The following KDM5B variants were observed in gnomAD, a reference collection of about 807,000 sequenced individuals.
The protein encoded by KDM5B is lysine demethylase 5B.
In KDM5B, 144 loss-of-function variants were observed where a neutral mutation model predicts 193.4. The ratio of observed to expected loss-of-function variants is 0.74; its 90% CI spans 0.65 to 0.86. The LOEUF is 0.86. KDM5B is among the 40% of genes least tolerant of loss of function. The pLI, the probability that KDM5B is intolerant of heterozygous loss-of-function variation, is 0.00. For synonymous variants in KDM5B, 668 were observed against 682.6 expected, an observed-to-expected ratio of 0.98 and a Z score of 0.33; for missense variants, 1,833 against 1,886.9, an observed-to-expected ratio of 0.97 and a Z score of 0.53.
chr1:202,774,913 G>A (rs558234402), intron 2 of KDM5B, among the ~76,000 whole-genome samples, 178 bp from the exon 3 acceptor site: 2 of 152,068 alleles, frequency 1.3e-5, no homozygotes, highest in East Asian at 3.9e-4. Flanking sequence ...AGTGAGAAAC[G>A]GCCAAAAATA....
At chr1:202,790,868 A>C (rs563505432) in intron 1 of KDM5B, among the ~76,000 whole-genome samples, 1 of 152,210 alleles carries the variant, frequency 6.6e-6, no homozygotes, top group South Asian at 2.1e-4. Flanking sequence ...CAAACCTGAC[A>C]GTGCCTTGAT....
chr1:202,745,500 T>G (rs528799186), intron 16 of KDM5B, among the ~76,000 whole-genome samples: 1 of 152,250 alleles, frequency 6.6e-6, no homozygotes, highest in Admixed American at 6.5e-5. Context: ...ATGCTGCCTT[T>G]GTCACAAGAT....
intron 2 of KDM5B, 38 bp downstream of exon 2, chr1:202,776,979 T>C: frequency 7.6e-7 from 1 of 1,314,156 alleles, no homozygotes; most frequent in East Asian, 2.3e-5. Context: ...ACGGTCCCCC[T>C]GGAATACAGG....
At chr1:202,760,986 C>G (rs1201989772) in intron 7 of KDM5B, among the ~76,000 whole-genome samples, 1 of 151,566 alleles carries the variant, frequency 6.6e-6, no homozygotes, top group Non-Finnish European at 1.5e-5. Flanking sequence ...CCTTATTGCA[C>G]CACTGCGCTC....
At chr1:202,768,412 T>G (rs1656564434) in intron 4 of KDM5B, among the ~76,000 whole-genome samples, 1 of 152,138 alleles carries the variant, frequency 6.6e-6, no homozygotes, top group South Asian at 2.1e-4. Flanking sequence ...AATAACAACC[T>G]TCCTGAAGCA....
chr1:202,749,710 T>C (rs1421953375), intron 13 of KDM5B, among the ~76,000 whole-genome samples: 3 of 151,842 alleles, frequency 2.0e-5, no homozygotes, highest in Non-Finnish European at 2.9e-5. Flanking sequence ...AATGTATGAG[T>C]ATCTACAACA....
intron 1 of KDM5B, among the ~76,000 whole-genome samples, chr1:202,794,763 A>G (rs529156768): frequency 6.6e-6 from 1 of 152,344 alleles, no homozygotes; most frequent in South Asian, 2.1e-4. Context: ...ATACATTCCA[A>G]GACCCCCAGT....
intron 22 of KDM5B, among the ~76,000 whole-genome samples, chr1:202,734,845 G>T (rs1655036194): frequency 6.6e-6 from 1 of 152,226 alleles, no homozygotes; most frequent in South Asian, 2.1e-4. Context: ...ATTCAATCTA[G>T]TCCCAGTAGC....
rs1654670892 is a variant in KDM5B, at chr1:202,726,277, T to G, written c.*2759A>C. ...CCATCACCACAAGTGGCATCTCTCC[T>G]TTAGGTTAACTTAAGATAGAAAAAT... On this transcript the variant is annotated 3_prime_UTR_variant, in exon 27 of 27. Coordinates refer to ENST00000367265, the MANE Select transcript of KDM5B (RefSeq NM_006618.5). 1 of 152,214 alleles carries G rather than the reference T, an allele frequency of 6.6e-6. No individual in the cohort carries two copies. The highest frequency in any genetic ancestry group is 1.9e-4 in the East Asian group (1 of 5,192). 9.4% of individuals were successfully genotyped at this position (152,214 alleles called of 1,614,324 possible).
chr1:202,784,282 G>A (rs974812352), intron 1 of KDM5B, among the ~76,000 whole-genome samples: 1 of 152,156 alleles, frequency 6.6e-6, no homozygotes, highest in Non-Finnish European at 1.5e-5. Context: ...CAGAGGCTAC[G>A]AAAGTTGGCT....
At chr1:202,793,215 A>C (rs1657712323) in intron 1 of KDM5B, among the ~76,000 whole-genome samples, 1 of 152,166 alleles carries the variant, frequency 6.6e-6, no homozygotes, top group African/African-American at 2.4e-5. Context: ...TTTTCTATAA[A>C]ATGGATCTGC....
At chr1:202,753,660 TG>T (rs1241234645) in intron 11 of KDM5B, among the ~76,000 whole-genome samples, 12 of 128,800 alleles carry the variant, frequency 9.3e-5, no homozygotes, top group Non-Finnish European at 1.9e-4. Context: ...CTTTTGTTGT[TG>T]TTGTTTTTTT....
intron 20 of KDM5B, among the ~76,000 whole-genome samples, chr1:202,739,864 A>T (rs1206744251): frequency 6.6e-6 from 1 of 152,202 alleles, no homozygotes; most frequent in Non-Finnish European, 1.5e-5. Flanking sequence ...AAAGTCTCCC[A>T]TGTCTACTTC....
At chr1:202,761,682 T>C (rs1285383253) in intron 7 of KDM5B, among the ~76,000 whole-genome samples, 1 of 152,088 alleles carries the variant, frequency 6.6e-6, no homozygotes. Flanking sequence ...GGAAAGACCA[T>C]GTGAAAGACA....
At chr1:202,757,642 C>T (rs1027478372) in intron 9 of KDM5B, among the ~76,000 whole-genome samples, 3 of 152,094 alleles carry the variant, frequency 2.0e-5, no homozygotes, top group Non-Finnish European at 2.9e-5. Context: ...AATAAGCAAA[C>T]ATTTTAAGTA....
Position 202,741,476 on chromosome 1 carries a change from C to T in KDM5B, c.2836G>A (p.Val946Ile). ...ACTGCTGAATACGGGGCCAGCCCTA[C>T]CCCTAGGTCTATGAGACGTCTCATA... ...DDMRRLIDLG[V>I]GLAPYSAVEK... Residue 946 changes from valine to isoleucine, a missense_variant, in exon 19 of 27, where the codon GTA (valine) becomes ATA (isoleucine). By Grantham distance (29) the Val-to-Ile change is conservative. This residue lies in a region of KDM5B where 1,379 missense variants were observed against 1,349.6 expected (regional missense o/e 1.02). Transcript: ENST00000367265. 1.9e-6 allele frequency: 3 copies of T among 1,614,196 alleles called. No individual in the cohort carries two copies. The highest frequency in any genetic ancestry group is 1.7e-6 in the Non-Finnish European group (2 of 1,180,008).
chr1:202,773,175 C>T lies in KDM5B; in HGVS notation c.519G>A (p.Gly173=). ...PGKAVGSHIR[G]HYERILNPYN... ...AGGGGTTGAGAATTCGTTCATAATG[C>T]CCTCTGATATGTGAGCCCACTGCTT... Residue 173 remains glycine, a synonymous_variant, in exon 4 of 27, where the codon GGG becomes GGA. Transcript: ENST00000367265. The T allele has an allele frequency of 1.2e-6, 2 of 1,613,618 alleles. No individual in the cohort carries two copies. The highest frequency in any genetic ancestry group is 1.1e-5 in the South Asian group (1 of 91,064).
chr1:202,799,721 C>G (rs1386769865), intron 1 of KDM5B, among the ~76,000 whole-genome samples: 3 of 151,666 alleles, frequency 2.0e-5, no homozygotes, highest in Non-Finnish European at 2.9e-5. Context: ...TACATACACA[C>G]AGTCCCCTTG....
chr1:202,766,228 G>A (rs1229374359), intron 5 of KDM5B, among the ~76,000 whole-genome samples: 2 of 152,076 alleles, frequency 1.3e-5, no homozygotes, highest in African/African-American at 2.4e-5. Flanking sequence ...GGAAGAGGCT[G>A]GGTGAGATGG....
Sources: allele counts gnomAD v4.1 joint callset (sites outside exome capture counted in the v4.1 genomes callset), GRCh38; gene constraint gnomAD v4.1.1; regional missense constraint gnomAD v4.1.1; transcripts MANE v1.5; gene names NCBI Gene and HGNC (gene_info 2026-07-23, HGNC 2026-07-21).